ABCC3: variants seen among roughly 807,000 people sequenced by gnomAD.
ABCC3 encodes the protein ATP-binding cassette sub-family C member 3.
Under a neutral mutation model 165.3 loss-of-function variants are expected in ABCC3, and 121 were observed. The ratio of observed to expected loss-of-function variants is 0.73; its 90% CI spans 0.63 to 0.85. The LOEUF (loss-of-function observed/expected upper bound fraction) is 0.85. ABCC3 is among the 40% of genes least tolerant of loss of function. The pLI is 0.00. For synonymous variants in ABCC3, 733 were observed against 810.1 expected (o/e 0.90, Z 1.62); for missense variants, 1,869 against 1,964.1 (o/e 0.95, Z 0.92).
chr17:50,677,409 A>T (rs1393269313), intron 23 of ABCC3, among the ~76,000 whole-genome samples: 5 of 152,200 alleles, frequency 3.3e-5, no homozygotes, highest in Non-Finnish European at 1.5e-5. Context: ...GGGTATAGCG[A>T]CCATGATCTA....
Position 50,689,661 on chromosome 17 carries a change from G to A in ABCC3, c.4476-1431G>A, listed in dbSNP as rs535607631. Among the ~76,000 whole-genome samples the A allele has an allele frequency of 2.2e-4, 33 of 152,314 alleles. 2 individuals carry two copies. The South Asian group carries it at 6.2e-3, about 29-fold the overall frequency. ...CCCCATGCAGCCAGCAGTGTCTTGG[G>A]AGCCAAGCTGAGAATGCCTGATGCT... On this transcript the variant is annotated intron_variant, in intron 30 of 30. Transcript: ENST00000285238.
intron 30 of ABCC3, among the ~76,000 whole-genome samples, chr17:50,690,143 T>C (rs2095604263): frequency 6.6e-6 from 1 of 151,902 alleles, no homozygotes; most frequent in East Asian, 1.9e-4. Context: ...AGGCAAAGGA[T>C]ATAACACATG....
In ABCC3 at chr17:50,691,114, G is replaced by A; in HGVS notation, c.4498G>A (p.Val1500Ile). The change falls in exon 31 of 31, where the codon GTA (valine) becomes ATA (isoleucine). Residue 1500 changes from valine (V) to isoleucine (I), a missense_variant. Coordinates refer to ENST00000285238, the MANE Select transcript of ABCC3 (RefSeq NM_003786.4). ...TAGGGTCCTGGTCCTGGACAAAGGA[G>A]TAGTAGCTGAATTTGATTCTCCAGC... ...YTRVLVLDKG[V>I]VAEFDSPANL... 2 of 1,614,080 alleles carry A rather than the reference G, an allele frequency of 1.2e-6. No individual in the cohort carries two copies. The highest frequency in any genetic ancestry group is 1.7e-6 in the Non-Finnish European group (2 of 1,179,930).
At position 50,659,266 on chromosome 17, in the gene ABCC3, TGGA is replaced by T. The variant is rs751858011; in HGVS notation, c.709_711del (p.Glu237del). 3.7e-6 allele frequency: 6 copies of T among 1,613,814 alleles called. No homozygotes were observed. The highest frequency in any genetic ancestry group is 4.2e-6 in the Non-Finnish European group (5 of 1,179,826). ...GCCATCTATGGCTACCGGCATCCCC[TGGA>T]GGAGAAGGACCTCTGGTCCCTAAAG... On this transcript the variant is annotated inframe_deletion, in exon 7 of 31. Coordinates refer to ENST00000285238, the MANE Select transcript of ABCC3 (RefSeq NM_003786.4).
At chr17:50,647,870 C>A (rs900968979) in intron 1 of ABCC3, among the ~76,000 whole-genome samples, 2 of 152,122 alleles carry the variant, frequency 1.3e-5, no homozygotes, top group African/African-American at 4.8e-5. Context: ...AAAACCCCGT[C>A]TGTACTAAAA....
intron 1 of ABCC3, among the ~76,000 whole-genome samples, chr17:50,654,563 T>C (rs1035546079): frequency 3.8e-4 from 58 of 152,098 alleles, no homozygotes; most frequent in African/African-American, 1.2e-3. Context: ...ACTAGGAGAG[T>C]TGATCACTCT....
chr17:50,675,832 C>G (rs1376781875), intron 21 of ABCC3, 51 bp from the exon 22 acceptor site: 1 of 1,605,276 alleles, frequency 6.2e-7, no homozygotes, highest in Non-Finnish European at 8.5e-7. Context: ...CCCAGCAGCC[C>G]CAGGGTTTAT....
At chr17:50,680,255 G>A (rs1035668413) in intron 26 of ABCC3, among the ~76,000 whole-genome samples, 6 of 152,200 alleles carry the variant, frequency 3.9e-5, no homozygotes, top group Non-Finnish European at 7.3e-5. Context: ...TGAGAAGGAT[G>A]GACAGGCTTT....
chr17:50,665,425 A>G (rs1967501834), intron 11 of ABCC3, among the ~76,000 whole-genome samples, 180 bp downstream of exon 11: 1 of 152,100 alleles, frequency 6.6e-6, no homozygotes, highest in Non-Finnish European at 1.5e-5. Flanking sequence ...TTTTACTGAC[A>G]TTCTCATTTT....
intron 1 of ABCC3, among the ~76,000 whole-genome samples, chr17:50,649,366 T>A (rs1967066505): frequency 1.3e-5 from 2 of 152,116 alleles, no homozygotes; most frequent in Non-Finnish European, 2.9e-5. Context: ...TATTTGGGCA[T>A]GGTGCAATGA....
Position 50,659,260 on chromosome 17 carries a change from A to G in ABCC3, c.698A>G (p.His233Arg). 1 of 1,613,774 alleles carries G rather than the reference A, an allele frequency of 6.2e-7. No individual in the cohort carries two copies. The highest frequency in any genetic ancestry group is 8.5e-7 in the Non-Finnish European group (1 of 1,179,812). The change falls in exon 7 of 31, where the codon CAT becomes CGT. Residue 233 changes from histidine (H) to arginine (R), a missense_variant. By Grantham distance (29) the His-to-Arg change is conservative (BLOSUM62 0). Transcript: ENST00000285238. The stretch of plus-strand genomic sequence containing the variant: ...AGGATGGCCATCTATGGCTACCGGC[A>G]TCCCCTGGAGGAGAAGGACCTCTGG... The part of the protein sequence containing the change: ...FTKMAIYGYR[H>R]PLEEKDLWSL...
intron 5 of ABCC3, 30 bp downstream of exon 5, chr17:50,658,237 C>G (rs547670685): frequency 1.2e-6 from 2 of 1,614,130 alleles, no homozygotes; most frequent in Non-Finnish European, 8.5e-7. Flanking sequence ...TGCGGGGGCT[C>G]CACAGCTGAG....
chr17:50,647,190 T>C (rs904316074), intron 1 of ABCC3, among the ~76,000 whole-genome samples: 6 of 152,200 alleles, frequency 3.9e-5, no homozygotes, highest in South Asian at 2.1e-4. Flanking sequence ...TGTGAGTTCT[T>C]TTAAGCTGTG....
chr17:50,672,082 G>A (rs1338569698), intron 17 of ABCC3, among the ~76,000 whole-genome samples: 1 of 151,946 alleles, frequency 6.6e-6, no homozygotes, highest in Non-Finnish European at 1.5e-5. Flanking sequence ...ACCCATTCAC[G>A]CATCAACCTA....
chr17:50,672,846 T>C, intron 17 of ABCC3, 125 bp from the exon 18 acceptor site: 2 of 814,016 alleles, frequency 2.5e-6, no homozygotes, highest in Non-Finnish European at 3.8e-6. Context: ...CACTCCAGCC[T>C]GGGTGAGTGA....
At chr17:50,665,321 T>TG in intron 11 of ABCC3, 76 bp downstream of exon 11, 1 of 1,364,226 alleles carries the variant, frequency 7.3e-7, no homozygotes, top group Non-Finnish European at 1.0e-6. Flanking sequence ...CCACTAACCT[T>TG]GGGGCCTCCC....
chr17:50,681,676 C>A (rs1397243321), intron 26 of ABCC3, among the ~76,000 whole-genome samples: 1 of 152,260 alleles, frequency 6.6e-6, no homozygotes, highest in Non-Finnish European at 1.5e-5. Flanking sequence ...CTGCCTCCTG[C>A]AGTCCTCTTT....
At chr17:50,681,930 T>C (rs1037769084) in intron 26 of ABCC3, among the ~76,000 whole-genome samples, 3 of 152,140 alleles carry the variant, frequency 2.0e-5, no homozygotes, top group African/African-American at 2.4e-5. Context: ...GTCTGGGAGC[T>C]TCCAGTTCCC....
chr17:50,640,268 C>T (rs947188656), intron 1 of ABCC3, among the ~76,000 whole-genome samples: 12 of 152,318 alleles, frequency 7.9e-5, no homozygotes, highest in Non-Finnish European at 1.6e-4. Flanking sequence ...ATGCCGGAGT[C>T]CTACCAGGTG....
Sources: gnomAD v4.1 joint callset for allele counts (sites outside exome capture counted in the v4.1 genomes callset) on GRCh38, gnomAD v4.1.1 for gene constraint, MANE v1.5 for transcripts, NCBI Gene and HGNC (gene_info 2026-07-23, HGNC 2026-07-21) for gene names.